The following LTBP1 variants were observed in gnomAD, a reference collection of about 807,000 sequenced individuals.
LTBP1 encodes the protein latent-transforming growth factor beta-binding protein 1.
LTBP1 carries 129 observed loss-of-function variants against 207.6 expected under a neutral mutation model. The ratio of observed to expected loss-of-function variants is 0.62; its 90% CI spans 0.54 to 0.72. The LOEUF (loss-of-function observed/expected upper bound fraction) is 0.72, where lower values mean the gene tolerates loss of function less well. Ranked by LOEUF, LTBP1 falls within the 30% of genes least tolerant of loss-of-function variation. LTBP1 has a pLI of 0.00. For missense variants in LTBP1, 2,281 were observed against 2,217.2 expected (o/e 1.03, Z -0.58); for synonymous variants, 963 against 833.7 (o/e 1.16, Z -2.67).
At chr2:33,120,839 A>T (rs922307161) in intron 4 of LTBP1, among the ~76,000 whole-genome samples, 1 of 152,078 alleles carries the variant, frequency 6.6e-6, no homozygotes, top group African/African-American at 2.4e-5. Context: ...TTTTAAAGTA[A>T]TTTTTTTCGC....
chr2:33,231,421 A>G lies in LTBP1; in HGVS notation c.1876+9270A>G, dbSNP rs538603020. Among the ~76,000 whole-genome samples the G allele has an allele frequency of 4.0e-3, 606 of 152,322 alleles. 4 individuals are homozygous for G. The highest frequency in any genetic ancestry group is 6.5e-3 in the Non-Finnish European group (441 of 68,016). On this transcript the variant is annotated intron_variant, in intron 9 of 33. Coordinates refer to ENST00000404816, the MANE Select transcript of LTBP1 (RefSeq NM_206943.4). ...ATTTTGTTTGGACAAAAGAAGAGAT[A>G]ATGTACCTGTTTTCAGGGGGCATAT...
chr2:33,255,908 G>A (rs2092835463), intron 11 of LTBP1, among the ~76,000 whole-genome samples: 2 of 152,134 alleles, frequency 1.3e-5, no homozygotes, highest in African/African-American at 4.8e-5. Context: ...AAGCTCCTTG[G>A]TGTCTACATT....
chr2:33,318,143 C>G (rs879861051), intron 24 of LTBP1, among the ~76,000 whole-genome samples: 6 of 152,038 alleles, frequency 3.9e-5, no homozygotes, highest in Non-Finnish European at 5.9e-5. Context: ...ACCACCACCC[C>G]CCAAAAAAAA....
chr2:33,202,833 G>T (rs1378318509), intron 7 of LTBP1, among the ~76,000 whole-genome samples: 1 of 152,206 alleles, frequency 6.6e-6, no homozygotes, highest in Non-Finnish European at 1.5e-5. Flanking sequence ...TTCTTTTGGA[G>T]GAGCTGCTGG....
At chr2:33,327,179 C>A (rs181411823) in intron 24 of LTBP1, among the ~76,000 whole-genome samples, 4 of 152,240 alleles carry the variant, frequency 2.6e-5, no homozygotes, top group Admixed American at 2.0e-4. Flanking sequence ...ACCCTGGAGA[C>A]CTGGACTGAT....
intron 3 of LTBP1, among the ~76,000 whole-genome samples, chr2:33,107,986 A>G (rs1300877501): frequency 6.6e-6 from 1 of 152,204 alleles, no homozygotes; most frequent in Non-Finnish European, 1.5e-5. Context: ...ACTCGGGGTA[A>G]CAGAAGGAAA....
chr2:32,957,768 GTGTT>G (rs1428090306), intron 2 of LTBP1, among the ~76,000 whole-genome samples: 1 of 152,210 alleles, frequency 6.6e-6, no homozygotes, highest in Non-Finnish European at 1.5e-5. Flanking sequence ...AAGAAACACA[GTGTT>G]TGTGAAGTGC....
At chr2:33,089,173 GA>G (rs962135577) in intron 3 of LTBP1, among the ~76,000 whole-genome samples, 2 of 133,526 alleles carry the variant, frequency 1.5e-5, no homozygotes, top group South Asian at 2.5e-4. Context: ...AAAAAAAAAA[GA>G]AAAAAAGAAA....
rs1361912920 is a variant in LTBP1, at chr2:33,186,875, T to C, written c.1221T>C (p.Cys407=). 6.2e-7 allele frequency: 1 copy of C among 1,613,902 alleles called. No individual in the cohort carries two copies. The highest frequency in any genetic ancestry group is 8.5e-7 in the Non-Finnish European group (1 of 1,179,858). ...TTTTAGTAATTTGCCATCTTCCATG[T>C]ATGAATGGTGGCCAGTGCAGTTCAA... ...NFRVVICHLP[C]MNGGQCSSRD... The change falls in exon 6 of 34, where the codon TGT becomes TGC. Residue 407 remains cysteine (C), a synonymous_variant. Transcript: ENST00000404816.
At chr2:33,275,157 A>G in intron 17 of LTBP1, 67 bp downstream of exon 17, 2 of 1,586,398 alleles carry the variant, frequency 1.3e-6, no homozygotes, top group Non-Finnish European at 1.7e-6. Context: ...TAAGACTATC[A>G]TCAGTTCAGT....
At chr2:33,218,298 A>G (rs1356077638) in intron 8 of LTBP1, among the ~76,000 whole-genome samples, 1 of 152,212 alleles carries the variant, frequency 6.6e-6, no homozygotes, top group African/African-American at 2.4e-5. Flanking sequence ...GATTTGAATA[A>G]ATCAGATTTA....
chr2:33,187,230 T>C (rs2087306905), intron 6 of LTBP1, 150 bp downstream of exon 6: 1 of 646,630 alleles, frequency 1.5e-6, no homozygotes, highest in South Asian at 1.9e-5. Flanking sequence ...AGAGACAGAA[T>C]GTGGGCCCAG....
intron 24 of LTBP1, chr2:33,317,718 G>A (rs1164906187): frequency 6.6e-6 from 1 of 152,254 alleles, no homozygotes; most frequent in Non-Finnish European, 1.5e-5. Flanking sequence ...AGGAGCTGAA[G>A]CCTCGTTGAC....
intron 9 of LTBP1, among the ~76,000 whole-genome samples, chr2:33,232,845 TATA>T (rs1405666309): frequency 6.6e-6 from 1 of 152,190 alleles, no homozygotes; most frequent in Non-Finnish European, 1.5e-5. Flanking sequence ...GCACTCATTT[TATA>T]ATGAGACTAC....
intron 32 of LTBP1, among the ~76,000 whole-genome samples, chr2:33,390,677 A>G (rs1349362043): frequency 6.6e-6 from 1 of 151,758 alleles, no homozygotes; most frequent in African/African-American, 2.4e-5. Context: ...TTCCGTAGAG[A>G]TGGGGGGTTT....
intron 3 of LTBP1, among the ~76,000 whole-genome samples, chr2:33,031,626 C>T (rs2075695063): frequency 6.6e-6 from 1 of 152,094 alleles, no homozygotes; most frequent in Non-Finnish European, 1.5e-5. Flanking sequence ...GAACATTGAC[C>T]AGAGTTGGAA....
At chr2:33,384,916 T>C (rs2095252678) in intron 31 of LTBP1, among the ~76,000 whole-genome samples, 1 of 152,138 alleles carries the variant, frequency 6.6e-6, no homozygotes, top group Non-Finnish European at 1.5e-5. Context: ...TGTACCGAGA[T>C]CCTAAAGAGG....
chr2:33,332,397 A>AAGAGAGAG (rs1180391856), intron 24 of LTBP1, among the ~76,000 whole-genome samples: 1 of 129,874 alleles, frequency 7.7e-6, no homozygotes, highest in East Asian at 2.1e-4. Context: ...AAAAAAAAAA[A>AAGAGAGAG]AGAGAGAGAG....
chr2:33,230,746 A>G (rs1287316534), intron 9 of LTBP1, among the ~76,000 whole-genome samples: 1 of 152,230 alleles, frequency 6.6e-6, no homozygotes. Flanking sequence ...TTTCAAAAAT[A>G]GAATTTGGTT....
Sources: gnomAD v4.1 joint callset for allele counts (sites outside exome capture counted in the v4.1 genomes callset) on GRCh38, gnomAD v4.1.1 for gene constraint, MANE v1.5 for transcripts, NCBI Gene and HGNC (gene_info 2026-07-23, HGNC 2026-07-21) for gene names.